Variants in IL17RB observed in about 807,000 individuals in gnomAD.
IL17RB encodes interleukin-17 receptor B.
In IL17RB, 36 loss-of-function variants were observed where a neutral mutation model predicts 43.9. That is an observed-to-expected ratio of 0.82 (90% confidence interval 0.63 to 1.08). IL17RB has a LOEUF of 1.08. Among genes scored for constraint, IL17RB ranks in the 50% least tolerant of loss-of-function variants. The pLI is 0.00. For synonymous variants in IL17RB, 225 were observed against 225.4 expected, an observed-to-expected ratio of 1.00 and a Z score of 0.02; for missense variants, 613 against 613.6, an observed-to-expected ratio of 1.00 and a Z score of 0.01.
intron 3 of IL17RB, among the ~76,000 whole-genome samples, chr3:53,851,660 C>T (rs1559775381): frequency 6.6e-6 from 1 of 152,120 alleles, no homozygotes; most frequent in Non-Finnish European, 1.5e-5. Flanking sequence ...CAGCCTCTTC[C>T]TCTTAAAAGA....
In IL17RB at chr3:53,849,759, A is replaced by G. The variant is rs746322388; in HGVS notation, c.190A>G (p.Ile64Val). The change falls in exon 3 of 11, where the codon ATT becomes GTT. Residue 64 changes from isoleucine to valine, a missense_variant. By Grantham distance (29) the Ile-to-Val change is conservative (BLOSUM62 3). Coordinates refer to ENST00000288167, the MANE Select transcript of IL17RB (RefSeq NM_018725.4). The part of the protein sequence containing the change: ...TTSVATGDYS[I>V]LMNVSWVLRA... ...TAGTGTTGCAACAGGGGACTATTCA[A>G]TTTTGATGAATGTAAGCTGGGTACT... 2.5e-6 allele frequency: 4 copies of G among 1,611,446 alleles called. No homozygotes were observed. The highest frequency in any genetic ancestry group is 3.4e-6 in the Non-Finnish European group (4 of 1,178,500).
chr3:53,852,928 G>A lies in IL17RB; in HGVS notation c.412G>A (p.Ala138Thr). Reference protein sequence around the residue: ...VELNTVYFIGAHNIPNANMNE... With the variant: ...VELNTVYFIGTHNIPNANMNE... ...GCTGAACACAGTCTATTTCATTGGG[G>A]CCCATAATATTCCTAATGCAAATAT... Residue 138 changes from alanine to threonine, a missense_variant, in exon 5 of 11, where the codon GCC becomes ACC. By Grantham distance (58) the Ala-to-Thr change is moderately conservative. Transcript: ENST00000288167. 1 of 1,613,090 alleles carries A rather than the reference G, an allele frequency of 6.2e-7. No individual in the cohort carries two copies.
In IL17RB at chr3:53,865,621, T is replaced by C. The variant is rs571426330; in HGVS notation, c.*313T>C. 2.5e-5 allele frequency: 7 copies of C among 275,324 alleles called. No individual in the cohort carries two copies. The highest frequency in any genetic ancestry group is 8.8e-5 in the African/African-American group (4 of 45,614). The allele number at this position is 275,324 out of a possible 1,614,324, so 17.1% of individuals were successfully genotyped here. ...CATCTAGTCTTCCATAGACCATGCATTGCAGTGTACCCAGAACTGTTTAGC... is the reference window on the plus strand; with the variant it reads ...CATCTAGTCTTCCATAGACCATGCACTGCAGTGTACCCAGAACTGTTTAGC... On this transcript the variant is annotated 3_prime_UTR_variant, in exon 11 of 11. Coordinates refer to ENST00000288167, the MANE Select transcript of IL17RB (RefSeq NM_018725.4).
At chr3:53,853,166 G>C (rs1315125580) in intron 5 of IL17RB, among the ~76,000 whole-genome samples, 169 bp downstream of exon 5, 3 of 152,356 alleles carry the variant, frequency 2.0e-5, no homozygotes, top group Admixed American at 2.0e-4. Flanking sequence ...CCACAGAGCA[G>C]AGAGAATAAA....
intron 10 of IL17RB, among the ~76,000 whole-genome samples, chr3:53,862,134 C>T (rs28741402): frequency 6.6e-6 from 1 of 152,132 alleles, no homozygotes; most frequent in Non-Finnish European, 1.5e-5. Context: ...TCCCAGGAAG[C>T]GACTGCCTTT....
In IL17RB at chr3:53,848,617, G is replaced by C. The variant is rs761199589; in HGVS notation, c.61-47G>C. ...TGCCTAATTTGGCAAAGGAAAGCTT[G>C]TGGTTTGCCGGCTTCAACGTGACGC... On this transcript the variant is annotated intron_variant, in intron 1 of 10. Coordinates refer to ENST00000288167, the MANE Select transcript of IL17RB (RefSeq NM_018725.4). 4.4e-6 allele frequency: 7 copies of C among 1,590,584 alleles called. No individual in the cohort carries two copies. In the Admixed American group the frequency reaches 1.2e-4, roughly 27 times the overall value.
Position 53,855,275 on chromosome 3 carries a change from C to G in IL17RB, c.482-19C>G. The G allele has an allele frequency of 6.3e-7, 1 of 1,587,236 alleles. No individual in the cohort carries two copies. Among genetic ancestry groups the G allele is most frequent in the African/African-American group, 1.3e-5 (1 of 74,322 alleles). ...GATACCTTTTTCTAAAATGTAAAAACTTTCATTCAAATTTCCAGGCTGCCT... is the reference window on the plus strand; with the variant it reads ...GATACCTTTTTCTAAAATGTAAAAAGTTTCATTCAAATTTCCAGGCTGCCT... On this transcript the variant is annotated intron_variant, in intron 5 of 10. Coordinates refer to ENST00000288167, the MANE Select transcript of IL17RB (RefSeq NM_018725.4).
intron 8 of IL17RB, 66 bp from the exon 9 acceptor site, chr3:53,858,653 G>C: frequency 1.3e-6 from 2 of 1,583,440 alleles, no homozygotes; most frequent in Non-Finnish European, 1.7e-6. Flanking sequence ...GGCTGAAGTA[G>C]GAGTCTTGGT....
intron 1 of IL17RB, among the ~76,000 whole-genome samples, chr3:53,848,014 T>C (rs1698992480): frequency 6.6e-6 from 1 of 152,206 alleles, no homozygotes; most frequent in African/African-American, 2.4e-5. Context: ...AAAGCCCCAA[T>C]ATTTTAGGTT....
At chr3:53,857,530 C>G in intron 7 of IL17RB, 86 bp from the exon 8 acceptor site, 1 of 1,194,628 alleles carries the variant, frequency 8.4e-7, no homozygotes, top group Admixed American at 1.7e-5. Context: ...AGCCATCTGC[C>G]TGCCTTGGCC....
intron 5 of IL17RB, among the ~76,000 whole-genome samples, chr3:53,854,938 A>C (rs778929976): frequency 1.3e-5 from 2 of 152,094 alleles, no homozygotes; most frequent in Non-Finnish European, 2.9e-5. Context: ...TTCTCTGTTT[A>C]GCAGTAAAAT....
intron 5 of IL17RB, 55 bp from the exon 6 acceptor site, chr3:53,855,239 G>T (rs919848974): frequency 5.0e-6 from 6 of 1,206,984 alleles, no homozygotes; most frequent in African/African-American, 3.0e-5. Context: ...TGGCAAAGGG[G>T]GTGGGGCAGA....
chr3:53,865,354 A>G lies in IL17RB; in HGVS notation c.*46A>G. The G allele has an allele frequency of 6.9e-7, 1 of 1,450,930 alleles. No individual in the cohort carries two copies. Among genetic ancestry groups the G allele is most frequent in the Non-Finnish European group, 9.3e-7 (1 of 1,076,164 alleles). The allele number at this position is 1,450,930 out of a possible 1,614,324, so 89.9% of individuals were successfully genotyped here. On this transcript the variant is annotated 3_prime_UTR_variant, in exon 11 of 11. Coordinates refer to ENST00000288167, the MANE Select transcript of IL17RB (RefSeq NM_018725.4). ...GACCTTAAAGGCTTCCTATCCCACCAATTACAGGGAAAAAACGTGTGATGA... is the reference window on the plus strand; with the variant it reads ...GACCTTAAAGGCTTCCTATCCCACCGATTACAGGGAAAAAACGTGTGATGA...
intron 8 of IL17RB, 64 bp from the exon 9 acceptor site, chr3:53,858,655 A>G: frequency 6.3e-7 from 1 of 1,584,882 alleles, no homozygotes; most frequent in Non-Finnish European, 8.6e-7. Context: ...CTGAAGTAGG[A>G]GTCTTGGTGA....
chr3:53,849,550 G>A, intron 2 of IL17RB, 105 bp from the exon 3 acceptor site: 1 of 1,008,700 alleles, frequency 9.9e-7, no homozygotes, highest in Non-Finnish European at 1.4e-6. Context: ...AAGAAGTGAG[G>A]AATTGTGAAT....
At chr3:53,863,923 A>G (rs576387228) in intron 10 of IL17RB, among the ~76,000 whole-genome samples, 3 of 151,816 alleles carry the variant, frequency 2.0e-5, no homozygotes, top group Non-Finnish European at 2.9e-5. Context: ...CCTGAGCTCA[A>G]GTGAACCTCC....
At chr3:53,860,351 G>GT (rs1699517034) in intron 10 of IL17RB, 123 bp downstream of exon 10, 1 of 691,008 alleles carries the variant, frequency 1.4e-6, no homozygotes, top group Admixed American at 2.6e-5. Context: ...TAGCATTTAT[G>GT]TAATACCTTC....
chr3:53,846,723 G>A (rs1194543215), intron 1 of IL17RB, 75 bp downstream of exon 1: 35 of 1,455,950 alleles, frequency 2.4e-5, no homozygotes, highest in Non-Finnish European at 3.1e-5. Flanking sequence ...TGATCCGCCA[G>A]TCCAGGCTGC....
At chr3:53,859,121 C>T (rs1409643899) in intron 9 of IL17RB, 1 of 268,950 alleles carries the variant, frequency 3.7e-6, no homozygotes, top group Non-Finnish European at 7.0e-6. Context: ...TGAAAAAAGC[C>T]AAAGATGTAA....
Sources: gnomAD v4.1 joint callset for allele counts (sites outside exome capture counted in the v4.1 genomes callset) on GRCh38, gnomAD v4.1.1 for gene constraint, MANE v1.5 for transcripts, NCBI Gene and HGNC (gene_info 2026-07-23, HGNC 2026-07-21) for gene names.